Variants in ZFYVE28 observed in about 807,000 individuals in gnomAD.
The protein encoded by ZFYVE28 is lateral signaling target protein 2 homolog.
Under a neutral mutation model 82.1 loss-of-function variants are expected in ZFYVE28, and 40 were observed. The observed-to-expected ratio is 0.49, with a 90% CI of 0.38 to 0.63. ZFYVE28 has a LOEUF of 0.63. Among genes scored for constraint, ZFYVE28 ranks in the 30% least tolerant of loss-of-function variants. The pLI is 0.00. For missense variants in ZFYVE28, 1,321 were observed against 1,242.1 expected (o/e 1.06, Z -0.96); for synonymous variants, 612 against 546.1 (o/e 1.12, Z -1.68).
chr4:2,354,870 A>G (rs1187721289), intron 1 of ZFYVE28, among the ~76,000 whole-genome samples: 1 of 152,064 alleles, frequency 6.6e-6, no homozygotes, highest in Non-Finnish European at 1.5e-5. Flanking sequence ...ACCATTTCCC[A>G]TGATTCAGAA....
In ZFYVE28 at chr4:2,308,982, C is replaced by T. The variant is rs532351076; in HGVS notation, c.804-3446G>A. 5.3e-5 allele frequency among the ~76,000 whole-genome samples: 8 copies of T among 152,150 alleles called. No individual in the cohort carries two copies. In the South Asian group the frequency reaches 1.4e-3, roughly 28 times the overall value. ...ACATCGTTAATTTGATTTATGCTTA[C>T]GTATTTGATATTTACTGGCACTACC... On this transcript the variant is annotated intron_variant, in intron 7 of 12. Coordinates refer to ENST00000290974, the MANE Select transcript of ZFYVE28 (RefSeq NM_020972.3).
intron 1 of ZFYVE28, among the ~76,000 whole-genome samples, chr4:2,411,647 T>C (rs990511470): frequency 1.3e-5 from 2 of 152,258 alleles, no homozygotes; most frequent in Non-Finnish European, 2.9e-5. Flanking sequence ...ATCCCAGCCC[T>C]GCTTCCTCCT....
intron 6 of ZFYVE28, chr4:2,324,355 T>G (rs562697664): frequency 1.3e-5 from 2 of 152,232 alleles, no homozygotes; most frequent in Non-Finnish European, 2.9e-5. Context: ...TTAAAATACC[T>G]CACAGCAGGG....
In ZFYVE28 at chr4:2,304,417, G is replaced by T. The variant is rs769671553; in HGVS notation, c.1923C>A (p.Ser641=). Residue 641 remains serine (S), a synonymous_variant, in exon 8 of 13, where the codon TCC becomes TCA. Transcript: ENST00000290974. Reference sequence around the variant, plus strand: ...GCAGCCCACTCGCTGTGTCCACCTGGGAACCTGAGGTGTGAGGCAGGCACT... The same window carrying T: ...GCAGCCCACTCGCTGTGTCCACCTGTGAACCTGAGGTGTGAGGCAGGCACT... ...SDKCLPHTSG[S]QVDTASGLQG... is the part of the protein sequence containing the mutation. The T allele has an allele frequency of 6.2e-7, 1 of 1,613,446 alleles. No individual in the cohort carries two copies. The highest frequency in any genetic ancestry group is 8.5e-7 in the Non-Finnish European group (1 of 1,180,012).
At chr4:2,393,516 C>T (rs185485726) in intron 1 of ZFYVE28, among the ~76,000 whole-genome samples, 2 of 152,358 alleles carry the variant, frequency 1.3e-5, no homozygotes, top group South Asian at 2.1e-4. Flanking sequence ...GCCTGCCCCT[C>T]GGCCGCTTGC....
chr4:2,331,408 A>G (rs909555372), intron 6 of ZFYVE28, among the ~76,000 whole-genome samples: 1 of 152,056 alleles, frequency 6.6e-6, no homozygotes, highest in Non-Finnish European at 1.5e-5. Flanking sequence ...TTAGGAGACC[A>G]AGGCAGGCAG....
chr4:2,346,957 G>A (rs1319352075), intron 2 of ZFYVE28, among the ~76,000 whole-genome samples: 1 of 151,986 alleles, frequency 6.6e-6, no homozygotes, highest in African/African-American at 2.4e-5. Context: ...AAACAAAAAT[G>A]ATCTAAAAAC....
At chr4:2,309,389 T>C (rs1717170565) in intron 7 of ZFYVE28, among the ~76,000 whole-genome samples, 1 of 152,238 alleles carries the variant, frequency 6.6e-6, no homozygotes, top group Non-Finnish European at 1.5e-5. Flanking sequence ...TATTCTGTGA[T>C]AGCAACACAA....
intron 1 of ZFYVE28, among the ~76,000 whole-genome samples, chr4:2,375,677 G>C (rs1309733367): frequency 6.6e-6 from 1 of 152,036 alleles, no homozygotes; most frequent in Non-Finnish European, 1.5e-5. Flanking sequence ...ACACAGGACT[G>C]TGCCGCCCCC....
At chr4:2,330,004 A>G (rs1049659985) in intron 6 of ZFYVE28, among the ~76,000 whole-genome samples, 9 of 152,214 alleles carry the variant, frequency 5.9e-5, no homozygotes, top group South Asian at 2.1e-4. Flanking sequence ...GTTATAGTCT[A>G]GTGGGGGAGA....
chr4:2,277,992 T>A (rs1223497440), intron 8 of ZFYVE28, among the ~76,000 whole-genome samples: 1 of 152,118 alleles, frequency 6.6e-6, no homozygotes, highest in Non-Finnish European at 1.5e-5. Flanking sequence ...TACAGACCAA[T>A]GAGACCGAGA....
chr4:2,308,095 A>G (rs987417796), intron 7 of ZFYVE28, among the ~76,000 whole-genome samples: 4 of 152,166 alleles, frequency 2.6e-5, no homozygotes, highest in African/African-American at 9.7e-5. Flanking sequence ...TAGCTTTACA[A>G]TAGAAGATGT....
chr4:2,279,603 C>A (rs1001071023), intron 8 of ZFYVE28, among the ~76,000 whole-genome samples: 1 of 152,030 alleles, frequency 6.6e-6, no homozygotes, highest in East Asian at 1.9e-4. Flanking sequence ...CACGATGAAA[C>A]CCTGTCTCTA....
intron 1 of ZFYVE28, among the ~76,000 whole-genome samples, chr4:2,365,513 T>C (rs1281020639): frequency 6.6e-6 from 1 of 152,046 alleles, no homozygotes; most frequent in Non-Finnish European, 1.5e-5. Flanking sequence ...CCTGCCTCCC[T>C]GGCCCACAGA....
At chr4:2,319,727 C>A (rs1019544354) in intron 7 of ZFYVE28, among the ~76,000 whole-genome samples, 1 of 151,550 alleles carries the variant, frequency 6.6e-6, no homozygotes, top group Non-Finnish European at 1.5e-5. Flanking sequence ...TGGACACAGA[C>A]GTAAACCAGT....
chr4:2,285,372 G>A (rs992492874), intron 8 of ZFYVE28: 1 of 152,260 alleles, frequency 6.6e-6, no homozygotes, highest in Non-Finnish European at 1.5e-5. Context: ...ACAGCAGCCG[G>A]GGGAACTAAC....
At position 2,273,235 on chromosome 4, in the gene ZFYVE28, T is replaced by G. The variant is rs752918825; in HGVS notation, c.2261A>C (p.Lys754Thr). 3 of 1,613,836 alleles carry G rather than the reference T, an allele frequency of 1.9e-6. No homozygotes were observed. The Admixed American group carries it at 5.0e-5, about 27-fold the overall frequency. The change falls in exon 10 of 13, where the codon AAA (lysine) becomes ACA (threonine). Residue 754 changes from lysine to threonine, a missense_variant. Physicochemically the swap from Lys to Thr is moderately conservative, Grantham distance 78. Coordinates refer to ENST00000290974, the MANE Select transcript of ZFYVE28 (RefSeq NM_020972.3). ...GGTGGCCATGACCTCAAACAGTGTT[T>G]TAAGAATACTTCTCAGGTCACTGGC... ...NYASDLRSIL[K>T]TLFEVMATKP...
At chr4:2,271,464 C>T in intron 11 of ZFYVE28, 50 bp from the exon 12 acceptor site, 1 of 1,584,732 alleles carries the variant, frequency 6.3e-7, no homozygotes, top group Middle Eastern at 1.7e-4. Context: ...AGCAGGTGGG[C>T]TGGGCCGGGA....
chr4:2,330,595 AGAG>A (rs780596863), intron 6 of ZFYVE28: 414 of 1,259,708 alleles, frequency 3.3e-4, no homozygotes, highest in Non-Finnish European at 4.1e-4. Context: ...GGGATAGCAT[AGAG>A]GAGGGAACAG....
Sources: gnomAD v4.1 joint callset for allele counts (sites outside exome capture counted in the v4.1 genomes callset) on GRCh38, gnomAD v4.1.1 for gene constraint, MANE v1.5 for transcripts, NCBI Gene and HGNC (gene_info 2026-07-23, HGNC 2026-07-21) for gene names.